NPNT: variants seen among roughly 807,000 people sequenced by gnomAD.
NPNT encodes nephronectin, also known as preosteoblast EGF-like repeat protein with MAM domain.
In NPNT, 45 loss-of-function variants were observed where a neutral mutation model predicts 68.6. The observed-to-expected ratio is 0.66, with a 90% confidence interval of 0.52 to 0.84. The LOEUF is 0.84. NPNT is among the 40% of genes least tolerant of loss of function. The pLI is 0.00. For synonymous variants in NPNT, 233 were observed against 253.3 expected, an observed-to-expected ratio of 0.92 and a Z score of 0.76; for missense variants, 672 against 714.8, an observed-to-expected ratio of 0.94 and a Z score of 0.68.
chr4:105,971,186 A>G lies in NPNT; in HGVS notation c.*2196A>G, dbSNP rs551004514. The G allele has an allele frequency of 2.6e-5, 12 of 455,644 alleles. No homozygotes were observed. In the East Asian group the frequency reaches 7.7e-4, roughly 29 times the overall value. The allele number at this position is 455,644 out of a possible 1,614,324, so 28.2% of individuals were successfully genotyped here. A position where few individuals can be genotyped will look rare whatever the true frequency, so the allele number is the denominator to read the frequency against. ...CTCTCTGCTTCGTGTGTGACAAGTT[A>G]TCTTGGCTGCTGAGAAAGAGTGCCC... On this transcript the variant is annotated 3_prime_UTR_variant, in exon 12 of 12. Coordinates refer to ENST00000379987, the MANE Select transcript of NPNT (RefSeq NM_001033047.3).
At chr4:105,912,249 C>T (rs945321823) in intron 2 of NPNT, 2 of 1,521,706 alleles carry the variant, frequency 1.3e-6, no homozygotes, top group South Asian at 1.2e-5. Context: ...GTTAGATGAA[C>T]ATATTTCTTG....
chr4:105,942,922 C>T (rs1730103760), intron 8 of NPNT, among the ~76,000 whole-genome samples: 2 of 152,198 alleles, frequency 1.3e-5, no homozygotes, highest in Non-Finnish European at 2.9e-5. Context: ...TTCACAAAGT[C>T]ATATGGTAGA....
rs927369941 is a variant in NPNT at position 105,923,904 on chromosome 4, T to C, written c.173-3432T>C. On this transcript the variant is annotated intron_variant, in intron 2 of 11. Coordinates refer to ENST00000379987, the MANE Select transcript of NPNT (RefSeq NM_001033047.3). ...TATATTAAAGCAGAAGGGAAAGAGA[T>C]ATTGGTAAGAATCCAGCTGGCCTTT... Among the ~76,000 whole-genome samples the C allele has an allele frequency of 2.0e-5, 3 of 152,014 alleles. No homozygotes were observed. The East Asian group carries it at 5.8e-4, about 29-fold the overall frequency.
At chr4:105,905,874 A>G (rs930721216) in intron 2 of NPNT, among the ~76,000 whole-genome samples, 1 of 152,212 alleles carries the variant, frequency 6.6e-6, no homozygotes, top group African/African-American at 2.4e-5. Context: ...AGGAGAGTAA[A>G]TCATGGCTAA....
At chr4:105,932,768 C>A in intron 3 of NPNT, 1 of 1,122,626 alleles carries the variant, frequency 8.9e-7, no homozygotes, top group South Asian at 1.3e-5. Flanking sequence ...AGTTATGTCA[C>A]TTCTTGCAAA....
chr4:105,938,383 T>C lies in NPNT; in HGVS notation c.468T>C (p.Pro156=). ...KGQIRCQCPS[P]GLQLAPDGRT... Reference sequence around the variant, plus strand: ...AAATACGGTGCCAGTGCCCATCCCCTGGCCTGCAGCTGGCTCCTGATGGGA... The same window carrying C: ...AAATACGGTGCCAGTGCCCATCCCCCGGCCTGCAGCTGGCTCCTGATGGGA... Residue 156 remains proline, a synonymous_variant, in exon 5 of 12, where the codon CCT becomes CCC. Coordinates refer to ENST00000379987, the MANE Select transcript of NPNT (RefSeq NM_001033047.3). 1 of 1,613,712 alleles carries C rather than the reference T, an allele frequency of 6.2e-7. No homozygotes were observed.
chr4:105,908,413 C>T (rs763639925), intron 2 of NPNT, among the ~76,000 whole-genome samples: 12 of 152,024 alleles, frequency 7.9e-5, no homozygotes, highest in Non-Finnish European at 1.3e-4. Context: ...ATTAGGGTTG[C>T]CTTTTGTAGA....
chr4:105,915,749 T>C (rs1359018821), intron 2 of NPNT, among the ~76,000 whole-genome samples: 1 of 152,174 alleles, frequency 6.6e-6, no homozygotes, highest in African/African-American at 2.4e-5. Context: ...TTGTGAGACT[T>C]TGAAGTAGAG....
At chr4:105,912,243 G>C in intron 2 of NPNT, 1 of 1,526,014 alleles carries the variant, frequency 6.6e-7, no homozygotes, top group Non-Finnish European at 8.8e-7. Flanking sequence ...TCAAAGGTTA[G>C]ATGAACATAT....
At chr4:105,929,509 C>T (rs1038247660) in intron 3 of NPNT, 4 of 152,144 alleles carry the variant, frequency 2.6e-5, no homozygotes, top group African/African-American at 9.7e-5. Flanking sequence ...AAGTGATGCT[C>T]TTATTATCTC....
chr4:105,922,100 C>G (rs1021836050), intron 2 of NPNT, among the ~76,000 whole-genome samples: 2 of 152,004 alleles, frequency 1.3e-5, no homozygotes, highest in African/African-American at 2.4e-5. Context: ...TAAAGATAAT[C>G]TTATTTCTAT....
chr4:105,928,814 CT>C (rs1728892553), intron 3 of NPNT, among the ~76,000 whole-genome samples: 1 of 151,946 alleles, frequency 6.6e-6, no homozygotes, highest in African/African-American at 2.4e-5. Flanking sequence ...TACATACTTA[CT>C]TGACCTCATC....
At chr4:105,919,119 A>G (rs547770821) in intron 2 of NPNT, among the ~76,000 whole-genome samples, 1 of 152,270 alleles carries the variant, frequency 6.6e-6, no homozygotes, top group East Asian at 1.9e-4. Flanking sequence ...TATTCATGTT[A>G]TTGTACTCCT....
intron 2 of NPNT, among the ~76,000 whole-genome samples, chr4:105,926,531 G>A (rs1036218055): frequency 6.6e-6 from 1 of 152,114 alleles, no homozygotes. Flanking sequence ...AATGTCTCCA[G>A]ACATTTCCAA....
At chr4:105,924,709 C>T (rs1728556408) in intron 2 of NPNT, among the ~76,000 whole-genome samples, 1 of 152,164 alleles carries the variant, frequency 6.6e-6, no homozygotes, top group Non-Finnish European at 1.5e-5. Flanking sequence ...CCTGAAAGTA[C>T]TATAAATTGA....
At chr4:105,927,504 A>C in intron 3 of NPNT, 76 bp downstream of exon 3, 9 of 825,712 alleles carry the variant, frequency 1.1e-5, no homozygotes, top group Non-Finnish European at 1.7e-5. Context: ...TTCTTATCTC[A>C]AACTACTTTC....
At chr4:105,899,619 A>G (rs1231261923) in intron 2 of NPNT, among the ~76,000 whole-genome samples, 1 of 152,202 alleles carries the variant, frequency 6.6e-6, no homozygotes, top group African/African-American at 2.4e-5. Flanking sequence ...CAGTTAGGCA[A>G]ACATTCGTTT....
chr4:105,920,019 G>A (rs982187390), intron 2 of NPNT, among the ~76,000 whole-genome samples: 11 of 151,780 alleles, frequency 7.2e-5, no homozygotes, highest in Non-Finnish European at 1.6e-4. Context: ...TTCAAATTTC[G>A]CCGTTCCTTC....
intron 2 of NPNT, among the ~76,000 whole-genome samples, chr4:105,898,786 C>G (rs1388798740): frequency 6.6e-6 from 1 of 152,004 alleles, no homozygotes; most frequent in Non-Finnish European, 1.5e-5. Flanking sequence ...AAATTTGTCC[C>G]CAGCATTTTA....
Sources: allele counts gnomAD v4.1 joint callset (sites outside exome capture counted in the v4.1 genomes callset), GRCh38; gene constraint gnomAD v4.1.1; transcripts MANE v1.5; gene names NCBI Gene and HGNC (gene_info 2026-07-23, HGNC 2026-07-21).